UBE2D3: variants seen among roughly 807,000 people sequenced by gnomAD.
UBE2D3 encodes ubiquitin-conjugating enzyme E2 D3.
In UBE2D3, 2 loss-of-function variants were observed where a neutral mutation model predicts 22.8. The observed-to-expected ratio is 0.09, with a 90% confidence interval of 0.04 to 0.28. UBE2D3 has a LOEUF of 0.28. UBE2D3 is among the 10% of genes least tolerant of loss of function. The probability of loss-of-function intolerance (pLI) is 1.00; values close to 1 mark genes in which losing one functional copy is unlikely to be tolerated. For missense variants in UBE2D3, 27 were observed against 182.5 expected, an observed-to-expected ratio of 0.15 and a Z score of 4.91; for synonymous variants, 56 against 60.4, an observed-to-expected ratio of 0.93 and a Z score of 0.34.
Position 102,827,546 on chromosome 4 carries a change from G to GGAACTACTGCCA in UBE2D3, c.-249_-248insTGGCAGTAGTTC, listed in dbSNP as rs1309532605. ...ACAGCCACAAGATGTCCGCTCTGAC[G>GGAACTACTGCCA]GAACTACTGCCAGCTGCCACGCTCC... On this transcript the variant is annotated 5_prime_UTR_variant, in exon 1 of 8. Coordinates refer to ENST00000453744, the MANE Select transcript of UBE2D3 (RefSeq NM_181891.3). 1 of 986,434 alleles carries GGAACTACTGCCA rather than the reference G, an allele frequency of 1.0e-6. No individual in the cohort carries two copies. The allele number at this position is 986,434 out of a possible 1,614,324, so 61.1% of individuals were successfully genotyped here. A position where few individuals can be genotyped will look rare whatever the true frequency, so the allele number is the denominator to read the frequency against.
chr4:102,809,596 G>A (rs963875919), intron 4 of UBE2D3, 76 bp downstream of exon 4: 4 of 1,405,210 alleles, frequency 2.8e-6, no homozygotes, highest in South Asian at 1.3e-5. Flanking sequence ...TAAACCTACA[G>A]ACCAAGTTAA....
intron 1 of UBE2D3, among the ~76,000 whole-genome samples, chr4:102,844,251 T>A (rs1363505876): frequency 6.6e-6 from 1 of 152,182 alleles, no homozygotes. Flanking sequence ...TTTGCTTTTT[T>A]ATGTTTTGTA....
chr4:102,849,630 T>C (rs932996244), intron 1 of UBE2D3, among the ~76,000 whole-genome samples: 2 of 152,142 alleles, frequency 1.3e-5, no homozygotes, highest in African/African-American at 4.8e-5. Context: ...CTGAAGGCCA[T>C]TTTTGTGAAA....
At chr4:102,822,813 G>A (rs1164950168) in intron 2 of UBE2D3, among the ~76,000 whole-genome samples, 40 of 54,872 alleles carry the variant, frequency 7.3e-4, no homozygotes, top group Non-Finnish European at 6.7e-4. Context: ...GTGGGCGCCT[G>A]TAGTCCCAGC....
At chr4:102,862,980 G>T (rs908939953) in intron 1 of UBE2D3, among the ~76,000 whole-genome samples, 1 of 152,122 alleles carries the variant, frequency 6.6e-6, no homozygotes, top group Non-Finnish European at 1.5e-5. Flanking sequence ...TGAATACACA[G>T]TTCACATGGT....
At chr4:102,809,762 G>C in intron 3 of UBE2D3, 30 bp downstream of exon 3, 1 of 1,613,014 alleles carries the variant, frequency 6.2e-7, no homozygotes, top group Non-Finnish European at 8.5e-7. Context: ...AAAAAAATTA[G>C]GCATAAAAAT....
chr4:102,825,418 T>C, intron 2 of UBE2D3: 1 of 1,090,054 alleles, frequency 9.2e-7, no homozygotes, highest in Non-Finnish European at 1.1e-6. Flanking sequence ...GAGCAGAGGA[T>C]CTTAGAGCAG....
chr4:102,818,858 G>C (rs969933615), intron 2 of UBE2D3, among the ~76,000 whole-genome samples: 3 of 152,102 alleles, frequency 2.0e-5, no homozygotes, highest in African/African-American at 7.2e-5. Context: ...TGGGATATGG[G>C]ATTTAACAGT....
chr4:102,809,645 C>T (rs764987290), intron 4 of UBE2D3, 27 bp downstream of exon 4: 1 of 1,576,556 alleles, frequency 6.3e-7, no homozygotes, highest in African/African-American at 1.4e-5. Context: ...TCACTTAAAA[C>T]TAAATTTAAA....
chr4:102,823,339 G>A (rs80351758), intron 2 of UBE2D3, among the ~76,000 whole-genome samples: 1,602 of 152,172 alleles, frequency 0.011, 20 homozygotes, highest in African/African-American at 0.036. Context: ...TTTCAATTTC[G>A]AGATGGAGAT....
At chr4:102,806,522 T>G (rs1174137379) in intron 4 of UBE2D3, among the ~76,000 whole-genome samples, 3 of 152,112 alleles carry the variant, frequency 2.0e-5, no homozygotes, top group Non-Finnish European at 4.4e-5. Context: ...GTTGAAAAAA[T>G]AATCCTTATG....
chr4:102,842,180 A>C (rs1228753202), intron 1 of UBE2D3, among the ~76,000 whole-genome samples: 1 of 152,058 alleles, frequency 6.6e-6, no homozygotes, highest in South Asian at 2.1e-4. Flanking sequence ...AGCATTATCT[A>C]TAGACTACAT....
chr4:102,801,330 G>A (rs223426), intron 6 of UBE2D3, 124 bp downstream of exon 6: 379,259 of 745,734 alleles, frequency 0.51, 99,428 homozygotes, highest in African/African-American at 0.78. Context: ...AATTATAAAA[G>A]TAACTTTATT....
upstream of UBE2D3, chr4:102,827,582 C>G: frequency 1.0e-6 from 1 of 986,988 alleles, no homozygotes; most frequent in Non-Finnish European, 1.2e-6. Context: ...GCCCCTCCCC[C>G]TCCTCCTGCC....
chr4:102,868,895 C>T, upstream of UBE2D3: 1 of 1,466,960 alleles, frequency 6.8e-7, no homozygotes, highest in Non-Finnish European at 9.3e-7. Context: ...CAGTCCGCCG[C>T]GAGCGTACGT....
chr4:102,829,240 G>T (rs895304471), upstream of UBE2D3, among the ~76,000 whole-genome samples: 1 of 152,122 alleles, frequency 6.6e-6, no homozygotes, highest in Non-Finnish European at 1.5e-5. Flanking sequence ...GATTTTTCTC[G>T]TCTGAACCAC....
At position 102,826,583 on chromosome 4, in the gene UBE2D3, C is replaced by A. The variant is rs943497247; in HGVS notation, c.-75G>T. ...GTCCGGCCAAAACTCTTGATTATCCCGGCGGCGGGGCAGGATTGTCTCGTC... is the reference window on the plus strand; with the variant it reads ...GTCCGGCCAAAACTCTTGATTATCCAGGCGGCGGGGCAGGATTGTCTCGTC... On this transcript the variant is annotated 5_prime_UTR_variant, in exon 2 of 8. Coordinates refer to ENST00000453744, the MANE Select transcript of UBE2D3 (RefSeq NM_181891.3). The A allele has an allele frequency of 1.9e-6, 3 of 1,604,360 alleles. No individual in the cohort carries two copies. The highest frequency in any genetic ancestry group is 1.7e-6 in the Non-Finnish European group (2 of 1,178,802).
intron 1 of UBE2D3, among the ~76,000 whole-genome samples, chr4:102,851,803 A>T (rs1052516027): frequency 6.6e-6 from 1 of 151,600 alleles, no homozygotes; most frequent in African/African-American, 2.4e-5. Context: ...AGTAGCTGGG[A>T]CTACAGGTGC....
chr4:102,858,607 T>C (rs1323003055), intron 1 of UBE2D3, among the ~76,000 whole-genome samples: 1 of 151,940 alleles, frequency 6.6e-6, no homozygotes, highest in African/African-American at 2.4e-5. Flanking sequence ...TTGATATCCA[T>C]TAATAATGTA....
Sources: allele counts gnomAD v4.1 joint callset (sites outside exome capture counted in the v4.1 genomes callset), GRCh38; gene constraint gnomAD v4.1.1; transcripts MANE v1.5; gene names NCBI Gene and HGNC (gene_info 2026-07-23, HGNC 2026-07-21).